NUDT3: variants seen among roughly 807,000 people sequenced by gnomAD.
NUDT3 encodes the protein diphosphoinositol polyphosphate phosphohydrolase 1.
In NUDT3, 9 loss-of-function variants were observed where a neutral mutation model predicts 23.6. The ratio of observed to expected loss-of-function variants is 0.38; its 90% CI spans 0.23 to 0.66. The LOEUF (loss-of-function observed/expected upper bound fraction) is 0.66. Among genes scored for constraint, NUDT3 ranks in the 30% least tolerant of loss-of-function variants. The pLI is 0.52. For missense variants in NUDT3, 172 were observed against 218.5 expected (o/e 0.79, Z 1.34); for synonymous variants, 86 against 82.6 (o/e 1.04, Z -0.22).
At chr6:34,343,056 G>C (rs912283300) in intron 1 of NUDT3, among the ~76,000 whole-genome samples, 1 of 152,112 alleles carries the variant, frequency 6.6e-6, no homozygotes, top group African/African-American at 2.4e-5. Flanking sequence ...GAAGATCATG[G>C]TGTTATGGGA....
At chr6:34,322,504 C>T (rs2113718669) in intron 2 of NUDT3, among the ~76,000 whole-genome samples, 1 of 152,306 alleles carries the variant, frequency 6.6e-6, no homozygotes, top group African/African-American at 2.4e-5. Context: ...ACTGGGACTA[C>T]AGGCATGAGC....
At chr6:34,322,200 T>C (rs905273153) in intron 2 of NUDT3, among the ~76,000 whole-genome samples, 2 of 151,460 alleles carry the variant, frequency 1.3e-5, no homozygotes, top group African/African-American at 2.4e-5. Flanking sequence ...AAAACCAGGA[T>C]GTGAGGCATT....
intron 2 of NUDT3, among the ~76,000 whole-genome samples, chr6:34,296,377 C>A (rs1459764345): frequency 6.6e-6 from 1 of 152,108 alleles, no homozygotes; most frequent in Non-Finnish European, 1.5e-5. Flanking sequence ...AGTTCGAGAC[C>A]AGGCTGGGCA....
rs993616520 is a variant in NUDT3, at chr6:34,285,962, A to T, written c.*2791T>A. ...CACAGTTCACTTTCCTGACCCAAAG[A>T]CACCAACAACAATCAAAACTGCACT... is the stretch of plus-strand genomic sequence containing the variant. On this transcript the variant is annotated 3_prime_UTR_variant, in exon 5 of 5. Coordinates refer to ENST00000607016, the MANE Select transcript of NUDT3 (RefSeq NM_006703.4). The T allele has an allele frequency of 6.6e-6, 1 of 152,236 alleles. No individual in the cohort carries two copies. Among genetic ancestry groups the T allele is most frequent in the African/African-American group, 2.4e-5 (1 of 41,450 alleles). The allele number at this position is 152,236 out of a possible 1,614,324, so 9.4% of individuals were successfully genotyped here.
intron 2 of NUDT3, among the ~76,000 whole-genome samples, chr6:34,307,522 G>A (rs114140910): frequency 0.083 from 12,612 of 152,142 alleles, 699 homozygotes; most frequent in Non-Finnish European, 0.12. Context: ...CCTGCAGTGA[G>A]CTATGACTGC....
At chr6:34,321,263 C>A (rs570299946) in intron 2 of NUDT3, among the ~76,000 whole-genome samples, 1 of 152,104 alleles carries the variant, frequency 6.6e-6, no homozygotes, top group Admixed American at 6.6e-5. Flanking sequence ...CACAGTGAAA[C>A]CCCATCTCTA....
intron 2 of NUDT3, among the ~76,000 whole-genome samples, chr6:34,315,882 A>T (rs564549803): frequency 6.6e-6 from 1 of 152,356 alleles, no homozygotes; most frequent in Admixed American, 6.5e-5. Context: ...TCACATGGCC[A>T]TAAATAGCTG....
chr6:34,366,802 A>G (rs1764742579), intron 1 of NUDT3, among the ~76,000 whole-genome samples: 1 of 152,184 alleles, frequency 6.6e-6, no homozygotes, highest in Non-Finnish European at 1.5e-5. Flanking sequence ...TGACAGTTGC[A>G]CAACAATGTG....
At chr6:34,327,187 CAG>C (rs1212529146) in intron 2 of NUDT3, among the ~76,000 whole-genome samples, 4 of 152,124 alleles carry the variant, frequency 2.6e-5, no homozygotes, top group Non-Finnish European at 4.4e-5. Context: ...GTAGCCGAAA[CAG>C]AGAGGGAAGG....
At chr6:34,342,499 C>A (rs1012806721) in intron 1 of NUDT3, among the ~76,000 whole-genome samples, 13 of 152,260 alleles carry the variant, frequency 8.5e-5, no homozygotes, top group African/African-American at 2.9e-4. Context: ...CCACCCTAGA[C>A]TCTAAGGGAC....
chr6:34,338,939 T>C (rs1764250041), intron 2 of NUDT3, among the ~76,000 whole-genome samples: 2 of 152,172 alleles, frequency 1.3e-5, no homozygotes, highest in South Asian at 2.1e-4. Flanking sequence ...AAAAATAGTT[T>C]ACAGAATCAC....
intron 1 of NUDT3, among the ~76,000 whole-genome samples, chr6:34,366,445 GGAGAGAGA>G (rs1232897992): frequency 7.9e-6 from 1 of 126,286 alleles, no homozygotes; most frequent in African/African-American, 3.0e-5. Flanking sequence ...AGAGAGAGAA[GGAGAGAGA>G]GAGAGAAAGA....
rs994574607 is a variant in NUDT3, at chr6:34,392,548, G to C, written c.-186C>G. 7.6e-6 allele frequency: 3 copies of C among 395,392 alleles called. No homozygotes were observed. The highest frequency in any genetic ancestry group is 1.3e-5 in the Non-Finnish European group (3 of 223,132). 24.5% of individuals were successfully genotyped at this position (395,392 alleles called of 1,614,324 possible). A position where few individuals can be genotyped will look rare whatever the true frequency, so the allele number is the denominator to read the frequency against. On this transcript the variant is annotated 5_prime_UTR_variant, in exon 1 of 5. Coordinates refer to ENST00000607016, the MANE Select transcript of NUDT3 (RefSeq NM_006703.4). The stretch of plus-strand genomic sequence containing the variant: ...CCTCATTCCCCCAGGCCCAGGTCCC[G>C]CGCCGCCGCTGCCACCGTCACGGCT...
chr6:34,392,156 G>T, intron 1 of NUDT3, 108 bp downstream of exon 1: 2 of 736,082 alleles, frequency 2.7e-6, no homozygotes, highest in South Asian at 1.9e-5. Context: ...CATTCCGCCC[G>T]AGCGGGGCGG....
chr6:34,291,768 G>C (rs143147899), intron 4 of NUDT3, among the ~76,000 whole-genome samples: 51 of 152,246 alleles, frequency 3.3e-4, no homozygotes, highest in East Asian at 2.5e-3. Flanking sequence ...CTCCCAAAGC[G>C]CTGGGATTAC....
intron 1 of NUDT3, among the ~76,000 whole-genome samples, chr6:34,379,025 A>G (rs1254105003): frequency 6.6e-6 from 1 of 152,110 alleles, no homozygotes; most frequent in Admixed American, 6.6e-5. Context: ...TCAGTCATAC[A>G]TCTTTATCAA....
intron 2 of NUDT3, among the ~76,000 whole-genome samples, chr6:34,306,985 T>C (rs1302216623): frequency 2.0e-5 from 3 of 152,186 alleles, no homozygotes; most frequent in African/African-American, 4.8e-5. Flanking sequence ...AATGAGTGTA[T>C]TTACAACAAT....
intron 1 of NUDT3, among the ~76,000 whole-genome samples, chr6:34,368,944 T>C (rs1764785397): frequency 6.6e-6 from 1 of 152,094 alleles, no homozygotes; most frequent in African/African-American, 2.4e-5. Flanking sequence ...GGCCCAACAG[T>C]AGCTCTGTTT....
chr6:34,352,635 T>C (rs1764495394), intron 1 of NUDT3, among the ~76,000 whole-genome samples: 2 of 152,186 alleles, frequency 1.3e-5, no homozygotes, highest in South Asian at 4.1e-4. Flanking sequence ...CCATAATACA[T>C]GCTCAAACAG....
Sources: gnomAD v4.1 joint callset for allele counts (sites outside exome capture counted in the v4.1 genomes callset) on GRCh38, gnomAD v4.1.1 for gene constraint, MANE v1.5 for transcripts, NCBI Gene and HGNC (gene_info 2026-07-23, HGNC 2026-07-21) for gene names.